MCMDC2: variants seen among roughly 807,000 people sequenced by gnomAD.
The protein encoded by MCMDC2 is minichromosome maintenance domain containing 2.
In MCMDC2, 54 loss-of-function variants were observed where a neutral mutation model predicts 75.8. The observed-to-expected ratio is 0.71, with a 90% confidence interval of 0.57 to 0.89. The LOEUF (loss-of-function observed/expected upper bound fraction) is 0.89. Ranked by LOEUF, MCMDC2 falls within the 40% of genes least tolerant of loss-of-function variation. The probability of loss-of-function intolerance (pLI) is 0.00; values close to 1 mark genes in which losing one functional copy is unlikely to be tolerated. For missense variants in MCMDC2, 656 were observed against 780.4 expected (o/e 0.84, Z 1.90); for synonymous variants, 249 against 274.6 (o/e 0.91, Z 0.92).
chr8:66,907,169 T>A (rs2130858346), intron 14 of MCMDC2, among the ~76,000 whole-genome samples: 1 of 152,208 alleles, frequency 6.6e-6, no homozygotes, highest in East Asian at 1.9e-4. Flanking sequence ...CCTATCAACC[T>A]GTCATCTAGG....
intron 13 of MCMDC2, among the ~76,000 whole-genome samples, chr8:66,903,609 C>T (rs1041190897): frequency 1.1e-4 from 16 of 152,138 alleles, no homozygotes; most frequent in African/African-American, 3.4e-4. Context: ...TCTACTTTTT[C>T]GCATTGTAGA....
intron 14 of MCMDC2, among the ~76,000 whole-genome samples, chr8:66,907,856 G>GC (rs1454524729): frequency 1.3e-5 from 2 of 151,898 alleles, no homozygotes; most frequent in African/African-American, 4.8e-5. Context: ...ATGTTTGTTG[G>GC]CTGCATAAAT....
At chr8:66,899,237 A>T (rs193270780) in intron 12 of MCMDC2, among the ~76,000 whole-genome samples, 9 of 151,970 alleles carry the variant, frequency 5.9e-5, no homozygotes, top group African/African-American at 2.2e-4. Context: ...TGCCTCAATT[A>T]CTCATGTGAT....
At position 66,870,986 on chromosome 8, in the gene MCMDC2, A is replaced by C. The variant is rs183580976; in HGVS notation, c.-89+155A>C. 7.1e-4 allele frequency among the ~76,000 whole-genome samples: 108 copies of C among 152,320 alleles called. 1 individual carries two copies. Among genetic ancestry groups the C allele is most frequent in the African/African-American group, 2.4e-3 (101 of 41,574 alleles). On this transcript the variant is annotated intron_variant, in intron 1 of 14. Coordinates refer to ENST00000422365, the MANE Select transcript of MCMDC2 (RefSeq NM_173518.5). ...CCTCACCAGTTCATCCCCGGTGCTG[A>C]CAGGGCACGGAGAGAAGACAGAATC...
At chr8:66,885,461 C>T (rs1052057412) in intron 9 of MCMDC2, among the ~76,000 whole-genome samples, 4 of 151,540 alleles carry the variant, frequency 2.6e-5, no homozygotes, top group Non-Finnish European at 4.4e-5. Flanking sequence ...TTCTATGAAC[C>T]TCCCATTCTT....
intron 5 of MCMDC2, 100 bp from the exon 6 acceptor site, chr8:66,878,471 AAAG>A: frequency 5.2e-6 from 6 of 1,149,764 alleles, no homozygotes; most frequent in Non-Finnish European, 7.1e-6. Flanking sequence ...ATAAAAGAAA[AAAG>A]AAAATATAAA....
intron 14 of MCMDC2, among the ~76,000 whole-genome samples, chr8:66,915,092 G>A (rs1025229702): frequency 3.3e-5 from 5 of 152,052 alleles, no homozygotes; most frequent in Admixed American, 2.6e-4. Flanking sequence ...CACTTTGGGA[G>A]GCCAAAGCGA....
In MCMDC2 at chr8:66,874,542, G is replaced by C; in HGVS notation, c.241G>C (p.Val81Leu). 6.2e-7 allele frequency: 1 copy of C among 1,613,210 alleles called. No individual in the cohort carries two copies. Among genetic ancestry groups the C allele is most frequent in the Non-Finnish European group, 8.5e-7 (1 of 1,179,734 alleles). ...GAAATCACAGGTCTGTTTTATTGCT[G>C]TTAAGACTCTCTCATTAATTGGACA... ...EVFQSVCFIA[V>L]KTLSLIGQLQ... is the part of the protein sequence containing the mutation. Residue 81 changes from valine (V) to leucine (L), a missense_variant, in exon 4 of 15, where the codon GTT (valine) becomes CTT (leucine). Transcript: ENST00000422365.
At chr8:66,873,102 T>G (rs1345417595) in intron 1 of MCMDC2, among the ~76,000 whole-genome samples, 1 of 152,232 alleles carries the variant, frequency 6.6e-6, no homozygotes, top group Non-Finnish European at 1.5e-5. Flanking sequence ...ATTAATCATT[T>G]TATTTCTAGC....
downstream of MCMDC2, among the ~76,000 whole-genome samples, chr8:66,923,898 A>G (rs1813638893): frequency 6.6e-6 from 1 of 152,072 alleles, no homozygotes; most frequent in Non-Finnish European, 1.5e-5. Context: ...CAAAAAAGCA[A>G]CAAAAAACCC....
chr8:66,917,719 T>C (rs192309778), intron 14 of MCMDC2, among the ~76,000 whole-genome samples: 1 of 152,370 alleles, frequency 6.6e-6, no homozygotes, highest in Non-Finnish European at 1.5e-5. Flanking sequence ...TTCATCCATA[T>C]TATGCATGTA....
In MCMDC2 at chr8:66,874,215, T is replaced by C. The variant is rs771337040; in HGVS notation, c.75T>C (p.Asp25=). Residue 25 remains aspartate (D), a synonymous_variant, in exon 2 of 15, where the codon GAT becomes GAC. Coordinates refer to ENST00000422365, the MANE Select transcript of MCMDC2 (RefSeq NM_173518.5). ...GTGGAGGCCTCCAAAAGTTTATAGA[T>C]GATTGCAAGTACTACAATGGTACGT... is the stretch of plus-strand genomic sequence containing the variant. The part of the protein sequence containing the change: ...DRSGGLQKFI[D]DCKYYNDSKQ... The C allele has an allele frequency of 6.2e-7, 1 of 1,612,006 alleles. No individual in the cohort carries two copies. The highest frequency in any genetic ancestry group is 1.1e-5 in the South Asian group (1 of 90,272).
At chr8:66,872,310 T>G (rs1324642901) in intron 1 of MCMDC2, among the ~76,000 whole-genome samples, 2 of 152,196 alleles carry the variant, frequency 1.3e-5, no homozygotes, top group Non-Finnish European at 2.9e-5. Context: ...TCACCTCTCC[T>G]CCAATTAGTG....
chr8:66,920,951 C>T lies in MCMDC2; in HGVS notation c.*1782C>T, dbSNP rs545134007. ...CAGTGTTGGGATTACAGGAGTGAGC[C>T]ACCATGCATGGCACAAAGATGGCTT... On this transcript the variant is annotated 3_prime_UTR_variant, in exon 15 of 15. Transcript: ENST00000422365. 47 of 152,148 alleles carry T rather than the reference C, an allele frequency of 3.1e-4. 1 individual carries two copies. The highest frequency in any genetic ancestry group is 1.0e-3 in the African/African-American group (43 of 41,512). 9.4% of individuals were successfully genotyped at this position (152,148 alleles called of 1,614,324 possible).
chr8:66,917,503 C>T (rs1368640073), intron 14 of MCMDC2, among the ~76,000 whole-genome samples: 1 of 152,170 alleles, frequency 6.6e-6, no homozygotes, highest in East Asian at 1.9e-4. Flanking sequence ...CCATCACCAC[C>T]CTTCGTCGCC....
At chr8:66,896,575 A>C (rs1040343337) in intron 11 of MCMDC2, among the ~76,000 whole-genome samples, 1 of 152,158 alleles carries the variant, frequency 6.6e-6, no homozygotes, top group African/African-American at 2.4e-5. Context: ...ATAATGTATA[A>C]GAAAATACTC....
intron 12 of MCMDC2, among the ~76,000 whole-genome samples, chr8:66,898,112 G>A (rs1158115965): frequency 6.6e-6 from 1 of 151,966 alleles, no homozygotes; most frequent in Non-Finnish European, 1.5e-5. Context: ...TTATTATATA[G>A]GAAAAAAGTA....
intron 12 of MCMDC2, among the ~76,000 whole-genome samples, chr8:66,898,226 T>C (rs938728828): frequency 6.6e-6 from 1 of 152,202 alleles, no homozygotes; most frequent in Non-Finnish European, 1.5e-5. Context: ...TTATTAATTA[T>C]TCAGGTATTT....
At position 66,913,915 on chromosome 8, in the gene MCMDC2, G is replaced by A. The variant is rs372774617; in HGVS notation, c.1880-5088G>A. 1.9e-3 allele frequency among the ~76,000 whole-genome samples: 272 copies of A among 142,166 alleles called. 3 individuals carry two copies. The highest frequency in any genetic ancestry group is 6.8e-3 in the African/African-American group (257 of 37,660). The allele number at this position is 142,166 out of a possible 152,430, so 93.3% of individuals were successfully genotyped here. A position where few individuals can be genotyped will look rare whatever the true frequency, so the allele number is the denominator to read the frequency against. Reference sequence around the variant, plus strand: ...GTGGGTGGAGGTTGCAGTGAGCCGAGATCGTACCACTGCCCTCCAGCCTGG... The same window carrying A: ...GTGGGTGGAGGTTGCAGTGAGCCGAAATCGTACCACTGCCCTCCAGCCTGG... On this transcript the variant is annotated intron_variant, in intron 14 of 14. Coordinates refer to ENST00000422365, the MANE Select transcript of MCMDC2 (RefSeq NM_173518.5).
Sources: allele counts gnomAD v4.1 joint callset (sites outside exome capture counted in the v4.1 genomes callset), GRCh38; gene constraint gnomAD v4.1.1; transcripts MANE v1.5; gene names NCBI Gene and HGNC (gene_info 2026-07-23, HGNC 2026-07-21).